The following ZP4 variants were observed in gnomAD, a reference collection of about 807,000 sequenced individuals.
The protein encoded by ZP4 is zona pellucida sperm-binding protein 4.
ZP4 carries 62 observed loss-of-function variants against 62.3 expected under a neutral mutation model. The ratio of observed to expected loss-of-function variants is 0.99; its 90% confidence interval spans 0.81 to 1.23. The LOEUF (loss-of-function observed/expected upper bound fraction) is 1.23, where lower values mean the gene tolerates loss of function less well. ZP4 is among the 50% of genes most tolerant of loss of function. The probability of loss-of-function intolerance (pLI) is 0.00; values close to 1 mark genes in which losing one functional copy is unlikely to be tolerated. For synonymous variants in ZP4, 289 were observed against 247.3 expected (o/e 1.17, Z -1.58); for missense variants, 774 against 656.0 (o/e 1.18, Z -1.97).
chr1:237,889,895 C>A lies in ZP4; in HGVS notation c.372G>T (p.Lys124Asn), dbSNP rs746462347. The A allele has an allele frequency of 3.1e-6, 5 of 1,613,914 alleles. No homozygotes were observed. Among genetic ancestry groups the A allele is most frequent in the Non-Finnish European group, 4.2e-6 (5 of 1,180,004 alleles). The change falls in exon 3 of 12, where the codon AAG becomes AAT. Residue 124 changes from lysine (K) to asparagine (N), a missense_variant. Physicochemically the swap from Lys to Asn is moderately conservative, Grantham distance 94 (BLOSUM62 0). Transcript: ENST00000366570. ...AAEHKVVTER[K>N]LLKCPMDLLA... Reference sequence around the variant, plus strand: ...GAAGATCCATAGGACACTTGAGCAGCTTCCTCTCTGTAACCACCTTGTGTT... The same window carrying A: ...GAAGATCCATAGGACACTTGAGCAGATTCCTCTCTGTAACCACCTTGTGTT...
At chr1:237,885,732 A>G (rs765977524) in intron 7 of ZP4, 24 bp downstream of exon 7, 22 of 1,613,292 alleles carry the variant, frequency 1.4e-5, no homozygotes, top group Non-Finnish European at 1.9e-5. Flanking sequence ...TATAGGCCAG[A>G]TACTCCAGCC....
chr1:237,884,043 A>AACACACACAAACACAC (rs1665034104), intron 10 of ZP4, among the ~76,000 whole-genome samples: 23 of 104,880 alleles, frequency 2.2e-4, no homozygotes, highest in African/African-American at 1.3e-3. Flanking sequence ...AACACACACA[A>AACACACACAAACACAC]ACACACACAA....
Position 237,888,515 on chromosome 1 carries a change from G to A in ZP4, c.401-5C>T. 2 of 1,583,602 alleles carry A rather than the reference G, an allele frequency of 1.3e-6. No individual in the cohort carries two copies. Among genetic ancestry groups the A allele is most frequent in the Non-Finnish European group, 1.7e-6 (2 of 1,159,920 alleles). On this transcript the variant is annotated splice_region_variant and splice_polypyrimidine_tract_variant and intron_variant, in intron 3 of 11. Transcript: ENST00000366570. The stretch of plus-strand genomic sequence containing the variant: ...CAGTATCTGGAGCATCTCGGGCTAG[G>A]TTTTGAAAAAGAGTAAGTCAGGTTA...
chr1:237,883,983 A>ACACAAACACAC (rs1665013477), intron 10 of ZP4, among the ~76,000 whole-genome samples: 1 of 42,402 alleles, frequency 2.4e-5, no homozygotes, highest in South Asian at 8.5e-4. Flanking sequence ...CACACACACA[A>ACACAAACACAC]ACACACACAC....
chr1:237,887,705 C>G (rs1437600288), intron 4 of ZP4, 144 bp from the exon 5 acceptor site: 3 of 789,024 alleles, frequency 3.8e-6, no homozygotes, highest in African/African-American at 3.5e-5. Context: ...CAAGATCAAC[C>G]AACCACAGTT....
intron 10 of ZP4, 115 bp downstream of exon 10, chr1:237,884,654 A>T: frequency 1.1e-6 from 1 of 922,836 alleles, no homozygotes; most frequent in Admixed American, 2.3e-5. Context: ...AAGTACTTAG[A>T]GAAGCCTTAG....
At position 237,890,762 on chromosome 1, in the gene ZP4, A is replaced by G; in HGVS notation, c.-127T>C. On this transcript the variant is annotated 5_prime_UTR_variant, in exon 1 of 12. Coordinates refer to ENST00000366570, the MANE Select transcript of ZP4 (RefSeq NM_021186.5). ...GTTTTCAGCTGCACATCTTTGTGACACTCAGGTGGGATGCCTTCAGAAAGG... is the reference window on the plus strand; with the variant it reads ...GTTTTCAGCTGCACATCTTTGTGACGCTCAGGTGGGATGCCTTCAGAAAGG... 1 of 1,099,176 alleles carries G rather than the reference A, an allele frequency of 9.1e-7. No individual in the cohort carries two copies. The highest frequency in any genetic ancestry group is 1.3e-6 in the Non-Finnish European group (1 of 784,700). The allele number at this position is 1,099,176 out of a possible 1,614,324, so 68.1% of individuals were successfully genotyped here.
Position 237,890,136 on chromosome 1 carries a change from G to A in ZP4, c.216C>T (p.Asp72=), listed in dbSNP as rs150141018. ...GACCTTTTCTTATCCAGGTGCCACA[G>A]TCGGAGTCATTCTGCAGCTCGTGCA... ...GLLHELQNDS[D]CGTWIRKGPG... is the part of the protein sequence containing the mutation. The change falls in exon 2 of 12, where the codon GAC becomes GAT. Residue 72 remains aspartate, a synonymous_variant. Transcript: ENST00000366570. The A allele has an allele frequency of 1.1e-5, 17 of 1,614,152 alleles. No homozygotes were observed. The highest frequency in any genetic ancestry group is 1.4e-5 in the Non-Finnish European group (17 of 1,180,032).
At chr1:237,884,033 A>AACAC (rs1300435485) in intron 10 of ZP4, among the ~76,000 whole-genome samples, 2 of 80,530 alleles carry the variant, frequency 2.5e-5, no homozygotes, top group African/African-American at 1.3e-4. Context: ...CACACACACA[A>AACAC]ACACACACAA....
intron 3 of ZP4, 88 bp from the exon 4 acceptor site, chr1:237,888,598 C>A: frequency 1.5e-6 from 2 of 1,316,850 alleles, no homozygotes; most frequent in Non-Finnish European, 1.0e-6. Flanking sequence ...ACTTTGGATT[C>A]CTGTAGATAT....
In ZP4 at chr1:237,889,054, A is replaced by G. The variant is rs578132061; in HGVS notation, c.401-544T>C. On this transcript the variant is annotated intron_variant, in intron 3 of 11. Coordinates refer to ENST00000366570, the MANE Select transcript of ZP4 (RefSeq NM_021186.5). Reference sequence around the variant, plus strand: ...CGAGACTTTCTAAAGTTGAGTAGGCATCATACTTCCTGCTGTTTCCTTAGG... The same window carrying G: ...CGAGACTTTCTAAAGTTGAGTAGGCGTCATACTTCCTGCTGTTTCCTTAGG... Among the ~76,000 whole-genome samples, 18 of 152,278 alleles carry G rather than the reference A, an allele frequency of 1.2e-4. 1 individual carries two copies. The South Asian group carries it at 3.7e-3, about 32-fold the overall frequency.
intron 6 of ZP4, 32 bp downstream of exon 6, chr1:237,886,739 C>A (rs768199325): frequency 2.5e-6 from 4 of 1,574,978 alleles, no homozygotes; most frequent in Non-Finnish European, 3.5e-6. Flanking sequence ...CACCTTATGG[C>A]AGATGGGAAG....
rs769752725 is a variant in ZP4 at position 237,886,803 on chromosome 1, G to A, written c.807C>T (p.Ser269=). ...TGCTGTCACGAGTGACAGAGCCACG[G>A]CTCCCATTTTTCACATCCCTAGTTG... The part of the protein sequence containing the change: ...LVATRDVKNG[S]RGSVTRDSIF... Residue 269 remains serine, a synonymous_variant, in exon 6 of 12, where the codon AGC becomes AGT. Transcript: ENST00000366570. The A allele has an allele frequency of 1.2e-6, 2 of 1,613,972 alleles. No individual in the cohort carries two copies. The highest frequency in any genetic ancestry group is 1.7e-6 in the Non-Finnish European group (2 of 1,179,958).
At position 237,885,442 on chromosome 1, in the gene ZP4, G is replaced by A. The variant is rs1489043564; in HGVS notation, c.1109C>T (p.Thr370Ile). The A allele has an allele frequency of 5.6e-6, 9 of 1,613,864 alleles. No homozygotes were observed. The highest frequency in any genetic ancestry group is 7.6e-6 in the Non-Finnish European group (9 of 1,179,970). ...CTGACTCAGGGGGTCAGTGCTGGGT[G>A]TTGCCCAACACTGTTGTAGGAGCAG... ...LGLLLQQCWA[T>I]PSTDPLSQPQ... Residue 370 changes from threonine to isoleucine, a missense_variant, in exon 8 of 12, where the codon ACA becomes ATA. Coordinates refer to ENST00000366570, the MANE Select transcript of ZP4 (RefSeq NM_021186.5).
chr1:237,885,288 C>G lies in ZP4; in HGVS notation c.1188G>C (p.Gln396His). 4 of 1,614,104 alleles carry G rather than the reference C, an allele frequency of 2.5e-6. No homozygotes were observed. Among genetic ancestry groups the G allele is most frequent in the Non-Finnish European group, 3.4e-6 (4 of 1,180,012 alleles). ...CTTTCTGGACAGGGATCAGCTGGGT[C>G]TGATAGTTGTCTCCAATGTAGGGGC... ...KGCPYIGDNYQTQLIPVQKAL... is the reference protein window; with the variant it reads ...KGCPYIGDNYHTQLIPVQKAL... The change falls in exon 9 of 12, where the codon CAG (glutamine) becomes CAC (histidine). Residue 396 changes from glutamine to histidine, a missense_variant. Coordinates refer to ENST00000366570, the MANE Select transcript of ZP4 (RefSeq NM_021186.5).
chr1:237,885,306 G>A lies in ZP4; in HGVS notation c.1170C>T (p.Tyr390=), dbSNP rs758907412. 6.2e-7 allele frequency: 1 copy of A among 1,614,058 alleles called. No homozygotes were observed. Among genetic ancestry groups the A allele is most frequent in the South Asian group, 1.1e-5 (1 of 91,076 alleles). ...QWPILVKGCP[Y]IGDNYQTQLI... ...GCTGGGTCTGATAGTTGTCTCCAATGTAGGGGCAGCTAGACCAAGAGACCC... is the reference window on the plus strand; with the variant it reads ...GCTGGGTCTGATAGTTGTCTCCAATATAGGGGCAGCTAGACCAAGAGACCC... The change falls in exon 9 of 12, where the codon TAC becomes TAT. Residue 390 remains tyrosine, a synonymous_variant. Transcript: ENST00000366570.
Position 237,887,513 on chromosome 1 carries a change from C to G in ZP4, c.602G>C (p.Arg201Pro). 6.2e-7 allele frequency: 1 copy of G among 1,614,164 alleles called. No individual in the cohort carries two copies. Among genetic ancestry groups the G allele is most frequent in the Non-Finnish European group, 8.5e-7 (1 of 1,180,024 alleles). ...GAGCAGTGGTGGCGAGGTCACGTTC[C>G]GAGACACAGCAATAGAGAAATGGCC... ...REGHFSIAVS[R>P]NVTSPPLLLD... Residue 201 changes from arginine (R) to proline (P), a missense_variant, in exon 5 of 12, where the codon CGG (arginine) becomes CCG (proline). Transcript: ENST00000366570.
At chr1:237,888,251 C>A in intron 4 of ZP4, 107 bp downstream of exon 4, 1 of 1,219,002 alleles carries the variant, frequency 8.2e-7, no homozygotes, top group Non-Finnish European at 1.1e-6. Flanking sequence ...GGCTACATGG[C>A]AGCCTGCTAT....
In ZP4 at chr1:237,882,726, C is replaced by T. The variant is rs749130975; in HGVS notation, c.1495+16G>A. The T allele has an allele frequency of 3.9e-5, 63 of 1,611,126 alleles. No homozygotes were observed. Among genetic ancestry groups the T allele is most frequent in the Non-Finnish European group, 5.2e-5 (61 of 1,178,680 alleles). On this transcript the variant is annotated intron_variant, in intron 11 of 11. Coordinates refer to ENST00000366570, the MANE Select transcript of ZP4 (RefSeq NM_021186.5). The stretch of plus-strand genomic sequence containing the variant: ...TTTAGTTCACTAGTTTGATCTCCTC[C>T]CTCTTGGATACTTACGGAGCTTTTC...
Sources: allele counts gnomAD v4.1 joint callset (sites outside exome capture counted in the v4.1 genomes callset), GRCh38; gene constraint gnomAD v4.1.1; transcripts MANE v1.5; gene names NCBI Gene and HGNC (gene_info 2026-07-23, HGNC 2026-07-21).